The following BRD2 variants were observed in gnomAD, a reference collection of about 807,000 sequenced individuals.
BRD2 encodes the protein bromodomain-containing protein 2.
In BRD2, 15 loss-of-function variants were observed where a neutral mutation model predicts 79.1. The ratio of observed to expected loss-of-function variants is 0.19; its 90% confidence interval spans 0.13 to 0.29. The LOEUF (loss-of-function observed/expected upper bound fraction) is 0.29, where lower values mean the gene tolerates loss of function less well. BRD2 is among the 10% of genes least tolerant of loss of function. The probability of loss-of-function intolerance (pLI) is 1.00; values close to 1 mark genes in which losing one functional copy is unlikely to be tolerated. For missense variants in BRD2, 1,053 were observed against 991.3 expected, an observed-to-expected ratio of 1.06 and a Z score of -0.84; for synonymous variants, 488 against 358.6, an observed-to-expected ratio of 1.36 and a Z score of -4.08.
chr6:32,969,531 G>A (rs765694854), intron 1 of BRD2, among the ~76,000 whole-genome samples: 1 of 152,204 alleles, frequency 6.6e-6, no homozygotes, highest in African/African-American at 2.4e-5. Context: ...AGGGAGCATT[G>A]CTGTGCGCCC....
intron 8 of BRD2, 42 bp downstream of exon 8, chr6:32,977,612 G>T: frequency 7.5e-6 from 12 of 1,610,176 alleles, no homozygotes; most frequent in Non-Finnish European, 1.0e-5. Context: ...ATGGTATGGG[G>T]AGTTATTTTG....
intron 1 of BRD2, chr6:32,969,422 C>G: frequency 2.8e-6 from 2 of 709,870 alleles, no homozygotes; most frequent in Middle Eastern, 4.6e-4. Flanking sequence ...GTGGCTGTGG[C>G]CCCTACCCGT....
intron 1 of BRD2, among the ~76,000 whole-genome samples, chr6:32,969,887 C>T (rs556118840): frequency 2.6e-4 from 40 of 152,302 alleles, no homozygotes; most frequent in African/African-American, 9.6e-4. Flanking sequence ...CCCTCATCCC[C>T]TCCCCCAGTC....
At position 32,977,849 on chromosome 6, in the gene BRD2, C is replaced by G; in HGVS notation, c.1422C>G (p.Ala474=). The change falls in exon 9 of 13, where the codon GCC becomes GCG. Residue 474 remains alanine, a synonymous_variant. Transcript: ENST00000374825. ...CTACTGCCATGCCCCCTGGCTTGGC[C>G]AAATCGTCTTCAGAGTCCTCCAGTG... ...PVSTAMPPGL[A]KSSSESSSEE... 1.2e-6 allele frequency: 2 copies of G among 1,613,054 alleles called. No individual in the cohort carries two copies. The highest frequency in any genetic ancestry group is 1.7e-6 in the Non-Finnish European group (2 of 1,180,034).
Position 32,974,500 on chromosome 6 carries a change from G to A in BRD2, c.68G>A (p.Gly23Asp), listed in dbSNP as rs55650502. The change falls in exon 3 of 13, where the codon GGC becomes GAC. Residue 23 changes from glycine to aspartate, a missense_variant. Gly to Asp is a moderately conservative substitution (Grantham distance 94). This residue lies in a region of BRD2 where 413 missense variants were observed against 335.1 expected (regional missense o/e 1.23). Transcript: ENST00000374825. ...GEGNAGLLGL[G>D]PEAAAPGKRI... ...GGGAATGCAGGGTTGCTGGGGCTGG[G>A]CCCAGAAGCAGCAGCACCAGGGAAG... The A allele has an allele frequency of 7.2e-3, 11,575 of 1,613,526 alleles. 68 individuals are homozygous for A. The highest frequency in any genetic ancestry group is 8.5e-3 in the Non-Finnish European group (10,013 of 1,179,448).
At chr6:32,975,632 C>T in intron 4 of BRD2, 111 bp downstream of exon 4, 1 of 1,376,582 alleles carries the variant, frequency 7.3e-7, no homozygotes, top group Non-Finnish European at 1.0e-6. Context: ...AAGGTGTTAT[C>T]CAGGTAGGGT....
At chr6:32,970,569 A>C (rs1300432868) in intron 1 of BRD2, 1 of 152,198 alleles carries the variant, frequency 6.6e-6, no homozygotes, top group Non-Finnish European at 1.5e-5. Flanking sequence ...TATTTTTCCC[A>C]GATACGTACA....
At chr6:32,976,994 A>G in intron 7 of BRD2, 58 bp downstream of exon 7, 1 of 1,542,554 alleles carries the variant, frequency 6.5e-7, no homozygotes, top group Non-Finnish European at 8.7e-7. Flanking sequence ...CTAGGTGCAA[A>G]ACAATAAGTC....
chr6:32,978,212 G>A lies in BRD2; in HGVS notation c.1665G>A (p.Lys555=), dbSNP rs2127521762. The change falls in exon 10 of 13, where the codon AAG becomes AAA. Residue 555 remains lysine, a synonymous_variant. Transcript: ENST00000374825. The part of the protein sequence containing the change: ...PKRKREKKEK[K]KKRKAEKHRG... ...GGAAAAGAGAGAAAAAAGAGAAAAA[G>A]AAGAAACGGAAGGCAGAGAAGCATC... 6.2e-7 allele frequency: 1 copy of A among 1,613,054 alleles called. No individual in the cohort carries two copies. The highest frequency in any genetic ancestry group is 8.5e-7 in the Non-Finnish European group (1 of 1,180,032).
At position 32,976,415 on chromosome 6, in the gene BRD2, C is replaced by T. The variant is rs1275013874; in HGVS notation, c.776C>T (p.Pro259Leu). The T allele has an allele frequency of 2.5e-6, 4 of 1,612,348 alleles. No homozygotes were observed. Among genetic ancestry groups the T allele is most frequent in the Non-Finnish European group, 3.4e-6 (4 of 1,180,044 alleles). Residue 259 changes from proline (P) to leucine (L), a missense_variant, in exon 6 of 13, where the codon CCC becomes CTC. Physicochemically the swap from Pro to Leu is moderately conservative, Grantham distance 98 (BLOSUM62 -3). This residue lies in a region of BRD2 where 413 missense variants were observed against 335.1 expected (regional missense o/e 1.23). Coordinates refer to ENST00000374825, the MANE Select transcript of BRD2 (RefSeq NM_005104.4). ...PLLKSLHSAG[P>L]PLLAVTAAPP... ...CTCAAGTCCTTGCACTCTGCTGGACCCCCGCTCCTTGCTGTTACTGCAGCT... is the reference window on the plus strand; with the variant it reads ...CTCAAGTCCTTGCACTCTGCTGGACTCCCGCTCCTTGCTGTTACTGCAGCT...
intron 2 of BRD2, 86 bp from the exon 3 acceptor site, chr6:32,974,375 CA>C: frequency 1.4e-6 from 2 of 1,382,224 alleles, no homozygotes; most frequent in Non-Finnish European, 2.0e-6. Context: ...TCACTAGGGC[CA>C]GCACCTGGAT....
chr6:32,974,862 A>G lies in BRD2; in HGVS notation c.333+97A>G. ...AGTGTAGATGCTGCGGCCCCTAGGG[A>G]GTTCCCATTTCTCCCCTGTAGGGCA... is the stretch of plus-strand genomic sequence containing the variant. On this transcript the variant is annotated intron_variant, in intron 3 of 12. Coordinates refer to ENST00000374825, the MANE Select transcript of BRD2 (RefSeq NM_005104.4). 6 of 1,463,504 alleles carry G rather than the reference A, an allele frequency of 4.1e-6. No homozygotes were observed. The South Asian group carries it at 7.7e-5, about 19-fold the overall frequency. 90.7% of individuals were successfully genotyped at this position (1,463,504 alleles called of 1,614,324 possible).
chr6:32,971,739 C>T lies in BRD2; in HGVS notation c.-1160C>T, dbSNP rs747791230. On this transcript the variant is annotated 5_prime_UTR_variant, in exon 2 of 13. The change creates a new upstream start codon in the 5' untranslated region. Transcript: ENST00000374825. ...GCCAATGGAGGAGCTACGAATGGCA[C>T]GACCTGCTCGAGCTTGGCAGTCTCC... The T allele has an allele frequency of 1.7e-6, 1 of 577,896 alleles. No individual in the cohort carries two copies. Among genetic ancestry groups the T allele is most frequent in the Non-Finnish European group, 3.1e-6 (1 of 327,008 alleles). 35.8% of individuals were successfully genotyped at this position (577,896 alleles called of 1,614,324 possible). A position where few individuals can be genotyped will look rare whatever the true frequency, so the allele number is the denominator to read the frequency against.
chr6:32,971,576 G>A lies in BRD2; in HGVS notation c.-1304-19G>A. On this transcript the variant is annotated intron_variant, in intron 1 of 12. Coordinates refer to ENST00000374825, the MANE Select transcript of BRD2 (RefSeq NM_005104.4). ...AGCAGGCCGCGGCTTCTAAGATGGC[G>A]TCTTTTTCCTCGTTTCAGATTCTTC... 1 of 454,922 alleles carries A rather than the reference G, an allele frequency of 2.2e-6. No individual in the cohort carries two copies. Among genetic ancestry groups the A allele is most frequent in the Non-Finnish European group, 3.9e-6 (1 of 258,252 alleles). 28.2% of individuals were successfully genotyped at this position (454,922 alleles called of 1,614,324 possible).
chr6:32,975,916 G>T, intron 4 of BRD2, 115 bp from the exon 5 acceptor site: 1 of 1,196,766 alleles, frequency 8.4e-7, no homozygotes, highest in South Asian at 1.7e-5. Context: ...ATGACAAGAT[G>T]ACTGGTGGGG....
In BRD2 at chr6:32,980,824, C is replaced by T. The variant is rs1205793926; in HGVS notation, c.*106C>T. On this transcript the variant is annotated 3_prime_UTR_variant, in exon 13 of 13. Transcript: ENST00000374825. ...TGCTGTGACACTTCTTCATCTCACC[C>T]CCCCCCGCCCCCCTCTAGGAGAGCT... 1.6e-5 allele frequency: 21 copies of T among 1,339,252 alleles called. No homozygotes were observed. The highest frequency in any genetic ancestry group is 2.1e-5 in the Non-Finnish European group (20 of 968,504). The allele number at this position is 1,339,252 out of a possible 1,614,324, so 83.0% of individuals were successfully genotyped here.
intron 2 of BRD2, chr6:32,973,249 G>T: frequency 8.4e-7 from 1 of 1,190,154 alleles, no homozygotes; most frequent in Admixed American, 2.3e-5. Context: ...GGTGGGTCTG[G>T]TATCTAGCGG....
Position 32,981,008 on chromosome 6 carries a change from C to G in BRD2, c.*290C>G, listed in dbSNP as rs935656046. The G allele has an allele frequency of 4.7e-6, 2 of 429,316 alleles. No homozygotes were observed. The highest frequency in any genetic ancestry group is 8.6e-6 in the Non-Finnish European group (2 of 232,238). 26.6% of individuals were successfully genotyped at this position (429,316 alleles called of 1,614,324 possible). ...GGGTGGGAGTGTGCAAAGCCCTGAT[C>G]TGGAGTTACCTGAGGCCACAGCTGC... On this transcript the variant is annotated 3_prime_UTR_variant, in exon 13 of 13. Transcript: ENST00000374825.
At position 32,972,470 on chromosome 6, in the gene BRD2, C is replaced by T. The variant is rs1778139795; in HGVS notation, c.-429C>T. The T allele has an allele frequency of 1.0e-5, 3 of 299,888 alleles. No homozygotes were observed. The highest frequency in any genetic ancestry group is 6.7e-5 in the African/African-American group (3 of 44,836). 18.6% of individuals were successfully genotyped at this position (299,888 alleles called of 1,614,324 possible). The stretch of plus-strand genomic sequence containing the variant: ...AGGATTTCAAAGATGGAGGCGGCGG[C>T]TCCCTAAACCACTTTTCGTGTTCAT... On this transcript the variant is annotated 5_prime_UTR_variant, in exon 2 of 13. Coordinates refer to ENST00000374825, the MANE Select transcript of BRD2 (RefSeq NM_005104.4).
Sources: allele counts gnomAD v4.1 joint callset (sites outside exome capture counted in the v4.1 genomes callset), GRCh38; gene constraint gnomAD v4.1.1; regional missense constraint gnomAD v4.1.1; transcripts MANE v1.5; gene names NCBI Gene and HGNC (gene_info 2026-07-23, HGNC 2026-07-21).